Variants in ZFAND1 observed in about 807,000 individuals in gnomAD.
ZFAND1 encodes zinc finger AN1-type containing 1, also known as AN1-type zinc finger protein 1.
ZFAND1 carries 40 observed loss-of-function variants against 38.5 expected under a neutral mutation model. The ratio of observed to expected loss-of-function variants is 1.04; its 90% CI spans 0.81 to 1.35. ZFAND1 has a LOEUF of 1.35. Ranked by LOEUF, ZFAND1 falls within the 40% of genes most tolerant of loss-of-function variation. ZFAND1 has a pLI of 0.00. For synonymous variants in ZFAND1, 117 were observed against 103.6 expected (o/e 1.13, Z -0.78); for missense variants, 346 against 316.3 (o/e 1.09, Z -0.71).
In ZFAND1 at chr8:81,708,248, C is replaced by CAAA. The variant is rs746812833; in HGVS notation, c.481-5127_481-5125dup. 8.2e-3 allele frequency among the ~76,000 whole-genome samples: 515 copies of CAAA among 62,876 alleles called. 9 individuals carry two copies. The highest frequency in any genetic ancestry group is 0.024 in the African/African-American group (393 of 16,312). 41.2% of individuals were successfully genotyped at this position (62,876 alleles called of 152,430 possible). ...CTGGGCAACAACAGCAAAGCTCCAT[C>CAAA]AAAAAAAAAAAAAAAAAAAAGGCTA... On this transcript the variant is annotated intron_variant, in intron 6 of 7. Coordinates refer to ENST00000220669, the MANE Select transcript of ZFAND1 (RefSeq NM_024699.3).
chr8:81,703,093 G>C lies in ZFAND1; in HGVS notation c.512C>G (p.Pro171Arg). Residue 171 changes from proline (P) to arginine (R), a missense_variant, in exon 7 of 8, where the codon CCT becomes CGT. Coordinates refer to ENST00000220669, the MANE Select transcript of ZFAND1 (RefSeq NM_024699.3). ...TTTGCTCTTCTCTTTGCTCCCTTTA[G>C]GTAAGAAAACCTGAAAGTAAATTCT... ...TERIYFQVFL[P>R]KGSKEKSKPM... is the part of the protein sequence containing the mutation. The C allele has an allele frequency of 6.5e-7, 1 of 1,535,078 alleles. No homozygotes were observed. Among genetic ancestry groups the C allele is most frequent in the Non-Finnish European group, 8.8e-7 (1 of 1,136,654 alleles).
chr8:81,717,284 C>T lies in ZFAND1; in HGVS notation c.103G>A (p.Glu35Lys). ...CDDCSGIFCLEHRSRESHGCP... is the reference protein window; with the variant it reads ...CDDCSGIFCLKHRSRESHGCP... ...CCATGAGACTCCCTGCTTCTGTGTT[C>T]AAGGCTTAAATAATAATAGCAAGTG... Residue 35 changes from glutamate (E) to lysine (K), a missense_variant, in exon 3 of 8, where the codon GAA (glutamate) becomes AAA (lysine). Physicochemically the swap from Glu to Lys is moderately conservative, Grantham distance 56. Coordinates refer to ENST00000220669, the MANE Select transcript of ZFAND1 (RefSeq NM_024699.3). 1 of 1,529,272 alleles carries T rather than the reference C, an allele frequency of 6.5e-7. No individual in the cohort carries two copies. The highest frequency in any genetic ancestry group is 8.7e-7 in the Non-Finnish European group (1 of 1,148,512). The allele number at this position is 1,529,272 out of a possible 1,614,324, so 94.7% of individuals were successfully genotyped here.
chr8:81,704,321 C>A (rs918230507), intron 6 of ZFAND1, among the ~76,000 whole-genome samples: 1 of 151,970 alleles, frequency 6.6e-6, no homozygotes, highest in Non-Finnish European at 1.5e-5. Flanking sequence ...CAAATTGTTT[C>A]AGCCCAGGAG....
chr8:81,708,841 G>T, intron 6 of ZFAND1: 2 of 1,235,242 alleles, frequency 1.6e-6, no homozygotes, highest in South Asian at 1.3e-5. Context: ...TGTGAAATTA[G>T]GATAAAAATA....
At chr8:81,719,355 A>ACACACACACACACACAC (rs1563611520) in intron 1 of ZFAND1, among the ~76,000 whole-genome samples, 6 of 149,998 alleles carry the variant, frequency 4.0e-5, no homozygotes, top group South Asian at 2.1e-4. Flanking sequence ...ACACACACAC[A>ACACACACACACACACAC]AATTAGCTGG....
chr8:81,708,717 A>AG, intron 6 of ZFAND1: 3 of 1,076,390 alleles, frequency 2.8e-6, no homozygotes, highest in Non-Finnish European at 3.4e-6. Context: ...GAAACCATGG[A>AG]GAAAAAGGGT....
chr8:81,713,990 A>T lies in ZFAND1; in HGVS notation c.408T>A (p.Asn136Lys). Reference protein sequence around the residue: ...TASKRWKGAKNSETAAKVALM... With the variant: ...TASKRWKGAKKSETAAKVALM... ...ATGCAACCTTTGCAGCTGTTTCACT[A>T]TTTTTGGCACCTTTCCATCGTTTAC... Residue 136 changes from asparagine (N) to lysine (K), a missense_variant, in exon 6 of 8, where the codon AAT becomes AAA. By Grantham distance (94) the Asn-to-Lys change is moderately conservative. Transcript: ENST00000220669. The T allele has an allele frequency of 2.5e-6, 4 of 1,612,678 alleles. No individual in the cohort carries two copies. The highest frequency in any genetic ancestry group is 3.4e-6 in the Non-Finnish European group (4 of 1,179,676).
At chr8:81,711,064 G>A (rs994308598) in intron 6 of ZFAND1, among the ~76,000 whole-genome samples, 36 of 152,146 alleles carry the variant, frequency 2.4e-4, no homozygotes, top group African/African-American at 8.0e-4. Flanking sequence ...GTTTGAAATG[G>A]TAACAAAATA....
chr8:81,704,614 G>A (rs1020382136), intron 6 of ZFAND1, among the ~76,000 whole-genome samples: 13 of 150,168 alleles, frequency 8.7e-5, no homozygotes, highest in East Asian at 7.8e-4. Flanking sequence ...CACTGATTCC[G>A]AAAAACTGCT....
At chr8:81,718,354 A>G (rs572537742) in intron 1 of ZFAND1, 130 bp from the exon 2 acceptor site, 1 of 534,768 alleles carries the variant, frequency 1.9e-6, no homozygotes, top group Non-Finnish European at 3.2e-6. Flanking sequence ...GCACTATGTA[A>G]CCACTCTAAC....
In ZFAND1 at chr8:81,717,239, A is replaced by G; in HGVS notation, c.138+10T>C. ...ATACATTTTATCAGATTGGAAAAAT[A>G]CTAACATACCTCAGGACAACCATGA... On this transcript the variant is annotated intron_variant, in intron 3 of 7. Coordinates refer to ENST00000220669, the MANE Select transcript of ZFAND1 (RefSeq NM_024699.3). 1 of 1,535,808 alleles carries G rather than the reference A, an allele frequency of 6.5e-7. No homozygotes were observed. Among genetic ancestry groups the G allele is most frequent in the Non-Finnish European group, 8.7e-7 (1 of 1,150,880 alleles).
At chr8:81,717,683 G>GA (rs1808358961) in intron 2 of ZFAND1, among the ~76,000 whole-genome samples, 1 of 151,892 alleles carries the variant, frequency 6.6e-6, no homozygotes, top group Non-Finnish European at 1.5e-5. Flanking sequence ...ATTACATTCT[G>GA]AAAAAAATTC....
chr8:81,720,299 C>T (rs932671985), intron 1 of ZFAND1, among the ~76,000 whole-genome samples: 3 of 152,164 alleles, frequency 2.0e-5, no homozygotes, highest in Admixed American at 1.3e-4. Flanking sequence ...AGGTATATCC[C>T]AAGGTCTCTC....
rs546943465 is a variant in ZFAND1 at position 81,704,390 on chromosome 8, T to G, written c.481-1266A>C. Among the ~76,000 whole-genome samples the G allele has an allele frequency of 2.6e-5, 4 of 151,998 alleles. No homozygotes were observed. In the South Asian group the frequency reaches 8.3e-4, roughly 32 times the overall value. ...CATCTCTACAAAAAGCACAAAAAAT[T>G]AGCTGGGTATAGTGGTGTGTGCTGG... On this transcript the variant is annotated intron_variant, in intron 6 of 7. Coordinates refer to ENST00000220669, the MANE Select transcript of ZFAND1 (RefSeq NM_024699.3).
chr8:81,704,460 C>T (rs763977056), intron 6 of ZFAND1, among the ~76,000 whole-genome samples: 2 of 150,764 alleles, frequency 1.3e-5, no homozygotes, highest in Non-Finnish European at 2.9e-5. Context: ...ATCACTTGAG[C>T]CCAAGAAGGT....
At chr8:81,708,866 T>G (rs1310759590) in intron 6 of ZFAND1, 2 of 1,097,012 alleles carry the variant, frequency 1.8e-6, no homozygotes, top group Non-Finnish European at 2.4e-6. Flanking sequence ...TCAGAAGAGC[T>G]GCAAGTACTA....
chr8:81,713,150 T>C (rs1334940306), intron 6 of ZFAND1, among the ~76,000 whole-genome samples: 1 of 152,000 alleles, frequency 6.6e-6, no homozygotes, highest in African/African-American at 2.4e-5. Flanking sequence ...TGAGACGGAG[T>C]CTCGCTCTGT....
At chr8:81,715,712 A>G (rs1229675469) in intron 3 of ZFAND1, among the ~76,000 whole-genome samples, 1 of 152,138 alleles carries the variant, frequency 6.6e-6, no homozygotes, top group Non-Finnish European at 1.5e-5. Context: ...CCAGGTTTCT[A>G]AAGACGAGTA....
intron 2 of ZFAND1, 37 bp downstream of exon 2, chr8:81,718,145 A>T (rs1415823908): frequency 5.3e-6 from 8 of 1,512,070 alleles, no homozygotes; most frequent in Non-Finnish European, 7.2e-6. Context: ...ATAAACACTA[A>T]AATTACTCCC....
Sources: allele counts gnomAD v4.1 joint callset (sites outside exome capture counted in the v4.1 genomes callset), GRCh38; gene constraint gnomAD v4.1.1; transcripts MANE v1.5; gene names NCBI Gene and HGNC (gene_info 2026-07-23, HGNC 2026-07-21).